RORA: variants seen among roughly 807,000 people sequenced by gnomAD.
RORA encodes RAR related orphan receptor A.
RORA carries 7 observed loss-of-function variants against 69.5 expected under a neutral mutation model. The observed-to-expected ratio is 0.10, with a 90% CI of 0.06 to 0.19. The LOEUF is 0.19. Ranked by LOEUF, RORA falls within the 10% of genes least tolerant of loss-of-function variation. The pLI, the probability that RORA is intolerant of heterozygous loss-of-function variation, is 1.00. For missense variants in RORA, 457 were observed against 663.0 expected (o/e 0.69, Z 3.41); for synonymous variants, 261 against 240.8 (o/e 1.08, Z -0.78).
chr15:61,173,157 T>C (rs2079600184), intron 1 of RORA, among the ~76,000 whole-genome samples: 1 of 152,198 alleles, frequency 6.6e-6, no homozygotes. Flanking sequence ...GTAATCCTCA[T>C]CTCAATCCTA....
chr15:60,757,818 G>T (rs570683455), intron 1 of RORA, among the ~76,000 whole-genome samples: 34 of 152,230 alleles, frequency 2.2e-4, no homozygotes, highest in African/African-American at 7.7e-4. Flanking sequence ...CTTTGTGCAG[G>T]AGTCTGCCTT....
intron 1 of RORA, among the ~76,000 whole-genome samples, chr15:60,747,996 T>C (rs1022918749): frequency 1.3e-5 from 2 of 152,176 alleles, no homozygotes; most frequent in African/African-American, 4.8e-5. Flanking sequence ...AAGTTTAAAA[T>C]GTTGCAAATG....
At chr15:61,174,009 T>C (rs11853392) in intron 1 of RORA, among the ~76,000 whole-genome samples, 79,529 of 152,096 alleles carry the variant, frequency 0.52, 21,513 homozygotes, top group Non-Finnish European at 0.61. Context: ...GAGACCTTTA[T>C]TGGCAGAAAT....
chr15:60,970,663 C>A (rs931243251), intron 1 of RORA, among the ~76,000 whole-genome samples: 5 of 152,202 alleles, frequency 3.3e-5, no homozygotes, highest in Non-Finnish European at 7.3e-5. Flanking sequence ...TTAGATCCAA[C>A]AATTTCTCAT....
chr15:60,959,751 C>T (rs1036166664), intron 1 of RORA, among the ~76,000 whole-genome samples: 4 of 152,158 alleles, frequency 2.6e-5, no homozygotes, highest in African/African-American at 7.2e-5. Context: ...TGAAAAAACA[C>T]CGGATTAAAT....
intron 2 of RORA, among the ~76,000 whole-genome samples, chr15:60,578,765 C>CTTTTTTTTT (rs768047660): frequency 0.012 from 1,626 of 138,606 alleles, 22 homozygotes; most frequent in African/African-American, 0.03. Flanking sequence ...TTAAATGAAA[C>CTTTTTTTTT]TTTTTTTTTT....
intron 1 of RORA, among the ~76,000 whole-genome samples, chr15:60,964,924 T>A (rs1029044659): frequency 1.3e-5 from 2 of 152,110 alleles, no homozygotes; most frequent in African/African-American, 4.8e-5. Context: ...GAGCTCTTGT[T>A]TGAGACTCTT....
intron 1 of RORA, among the ~76,000 whole-genome samples, chr15:60,859,920 T>A (rs1298909621): frequency 6.6e-6 from 1 of 152,094 alleles, no homozygotes; most frequent in Non-Finnish European, 1.5e-5. Flanking sequence ...CTGCAGCCGA[T>A]CCCTGACATA....
intron 1 of RORA, among the ~76,000 whole-genome samples, chr15:60,904,767 T>C (rs939893369): frequency 2.0e-5 from 3 of 152,158 alleles, no homozygotes; most frequent in African/African-American, 7.2e-5. Flanking sequence ...GCTGCTATCC[T>C]GTCACGGTAA....
chr15:60,846,733 G>A (rs2073270262), intron 1 of RORA, among the ~76,000 whole-genome samples: 1 of 152,122 alleles, frequency 6.6e-6, no homozygotes. Context: ...AGAAACTCGG[G>A]GCCAGCCCAT....
intron 1 of RORA, among the ~76,000 whole-genome samples, chr15:60,976,044 C>G (rs554254844): frequency 6.6e-6 from 1 of 152,354 alleles, no homozygotes; most frequent in South Asian, 2.1e-4. Flanking sequence ...ACTCATGTAA[C>G]TTCTCTTGCT....
At chr15:61,126,741 A>C (rs2079145598) in intron 1 of RORA, among the ~76,000 whole-genome samples, 2 of 152,222 alleles carry the variant, frequency 1.3e-5, no homozygotes, top group Admixed American at 1.3e-4. Flanking sequence ...ATGGAAATTT[A>C]AAGTGTTTAA....
intron 1 of RORA, among the ~76,000 whole-genome samples, chr15:61,089,025 C>A (rs2078666006): frequency 6.6e-6 from 1 of 152,222 alleles, no homozygotes; most frequent in African/African-American, 2.4e-5. Context: ...GCTCTGTTTG[C>A]TACATGTGCC....
intron 1 of RORA, among the ~76,000 whole-genome samples, chr15:61,142,936 A>G (rs977799299): frequency 6.6e-6 from 1 of 152,212 alleles, no homozygotes; most frequent in South Asian, 2.1e-4. Flanking sequence ...CCTAAGAGGC[A>G]TTCCTATTAA....
At chr15:61,124,477 G>A (rs547147016) in intron 1 of RORA, among the ~76,000 whole-genome samples, 8 of 152,266 alleles carry the variant, frequency 5.3e-5, no homozygotes, top group Middle Eastern at 3.4e-3. Context: ...TTCTCATCAG[G>A]AAGCTCAGGA....
intron 1 of RORA, among the ~76,000 whole-genome samples, chr15:60,947,313 GTA>G (rs200475834): frequency 0.02 from 3,031 of 152,330 alleles, 98 homozygotes; most frequent in African/African-American, 0.068. Context: ...GTGGAAAGAG[GTA>G]GACATAGGAG....
chr15:60,996,375 C>A (rs1432609028), intron 1 of RORA, among the ~76,000 whole-genome samples: 1 of 152,174 alleles, frequency 6.6e-6, no homozygotes, highest in African/African-American at 2.4e-5. Flanking sequence ...CCCAGCCCTA[C>A]ATCTTGTTTT....
chr15:60,908,739 A>G (rs1475028919), intron 1 of RORA, among the ~76,000 whole-genome samples: 2 of 152,116 alleles, frequency 1.3e-5, no homozygotes, highest in African/African-American at 4.8e-5. Flanking sequence ...CTAAATATTA[A>G]GCTTATTACC....
intron 1 of RORA, among the ~76,000 whole-genome samples, chr15:60,963,687 GAA>G (rs1035492023): frequency 6.6e-6 from 1 of 152,228 alleles, no homozygotes; most frequent in African/African-American, 2.4e-5. Context: ...ATGTGTTGAT[GAA>G]AGTGTTCTAC....
Sources: allele counts gnomAD v4.1 joint callset (sites outside exome capture counted in the v4.1 genomes callset), GRCh38; gene constraint gnomAD v4.1.1; transcripts MANE v1.5; gene names NCBI Gene and HGNC (gene_info 2026-07-23, HGNC 2026-07-21).